Variants in EXOC6B observed in about 807,000 individuals in gnomAD.
The protein encoded by EXOC6B is exocyst complex component 6B, also known as SEC15 homolog B.
In EXOC6B, 54 loss-of-function variants were observed where a neutral mutation model predicts 113.5. The ratio of observed to expected loss-of-function variants is 0.48; its 90% CI spans 0.38 to 0.60. The LOEUF (loss-of-function observed/expected upper bound fraction) is 0.60. Among genes scored for constraint, EXOC6B ranks in the 20% least tolerant of loss-of-function variants. EXOC6B has a pLI of 0.00. For synonymous variants in EXOC6B, 357 were observed against 339.0 expected (o/e 1.05, Z -0.58); for missense variants, 797 against 977.5 (o/e 0.82, Z 2.46).
intron 19 of EXOC6B, among the ~76,000 whole-genome samples, chr2:72,357,816 T>C (rs1294574354): frequency 6.6e-6 from 1 of 152,204 alleles, no homozygotes; most frequent in Non-Finnish European, 1.5e-5. Flanking sequence ...CCACTGACTG[T>C]GTTACAACTG....
At chr2:72,572,256 G>A (rs1704558103) in intron 7 of EXOC6B, among the ~76,000 whole-genome samples, 1 of 152,030 alleles carries the variant, frequency 6.6e-6, no homozygotes, top group Admixed American at 6.6e-5. Flanking sequence ...CAGGGACCAG[G>A]AGCTCCATCC....
intron 18 of EXOC6B, chr2:72,461,861 T>C (rs1697702049): frequency 6.6e-6 from 1 of 152,078 alleles, no homozygotes; most frequent in South Asian, 2.1e-4. Context: ...AGTGTTACCA[T>C]TTTCTTATTT....
At chr2:72,696,559 A>G (rs1031725024) in intron 6 of EXOC6B, among the ~76,000 whole-genome samples, 4 of 152,224 alleles carry the variant, frequency 2.6e-5, no homozygotes, top group African/African-American at 9.7e-5. Context: ...AATACAATGT[A>G]GTGGACATTG....
chr2:72,201,539 T>C (rs941892577), intron 20 of EXOC6B, among the ~76,000 whole-genome samples: 2 of 152,184 alleles, frequency 1.3e-5, no homozygotes, highest in Non-Finnish European at 2.9e-5. Flanking sequence ...GGAAGGACTC[T>C]TAATGAGATA....
At chr2:72,703,893 T>C (rs926300717) in intron 6 of EXOC6B, among the ~76,000 whole-genome samples, 1 of 150,930 alleles carries the variant, frequency 6.6e-6, no homozygotes, top group Non-Finnish European at 1.5e-5. Context: ...ACTCCCTCTT[T>C]TCCTAATTGA....
At chr2:72,678,088 C>A (rs1436658183) in intron 6 of EXOC6B, among the ~76,000 whole-genome samples, 2 of 152,206 alleles carry the variant, frequency 1.3e-5, no homozygotes, top group Non-Finnish European at 2.9e-5. Context: ...CTCACCAGGA[C>A]CCTGACAGCC....
At chr2:72,806,176 C>T (rs949268008) in intron 1 of EXOC6B, among the ~76,000 whole-genome samples, 2 of 152,286 alleles carry the variant, frequency 1.3e-5, no homozygotes, top group African/African-American at 4.8e-5. Context: ...CCACACTCCA[C>T]TCCTTCTCTC....
intron 6 of EXOC6B, among the ~76,000 whole-genome samples, chr2:72,690,269 G>A (rs1448793342): frequency 1.3e-5 from 2 of 152,142 alleles, no homozygotes; most frequent in African/African-American, 4.8e-5. Flanking sequence ...TCATAAAAAT[G>A]ACTTTGGCCT....
intron 19 of EXOC6B, among the ~76,000 whole-genome samples, chr2:72,357,865 T>G (rs1690064041): frequency 6.6e-6 from 1 of 152,160 alleles, no homozygotes; most frequent in South Asian, 2.1e-4. Context: ...CTGTACAGGT[T>G]TGTAGCCTGG....
chr2:72,310,884 C>CACACACAT (rs147993032), intron 20 of EXOC6B, among the ~76,000 whole-genome samples: 1,732 of 149,432 alleles, frequency 0.012, 22 homozygotes, highest in African/African-American at 0.014. Context: ...CACACACACA[C>CACACACAT]ACACAGAGCT....
At chr2:72,498,586 A>T in intron 12 of EXOC6B, 35 bp from the exon 13 acceptor site, 1 of 1,440,584 alleles carries the variant, frequency 6.9e-7, no homozygotes, top group East Asian at 2.3e-5. Context: ...TCAGTGTCTA[A>T]GGAAGGAGTT....
At position 72,450,067 on chromosome 2, in the gene EXOC6B, C is replaced by A. The variant is rs1187310822; in HGVS notation, c.1980+15093G>T. On this transcript the variant is annotated intron_variant, in intron 18 of 21. Coordinates refer to ENST00000272427, the MANE Select transcript of EXOC6B (RefSeq NM_015189.3). ...GGGTCAGGAACAACATTTATGGCCA[C>A]CAGGTGTACATTCTTTTCTATCTAT... is the stretch of plus-strand genomic sequence containing the variant. Among the ~76,000 whole-genome samples, 6 of 152,086 alleles carry A rather than the reference C, an allele frequency of 3.9e-5. No homozygotes were observed. The East Asian group carries it at 1.2e-3, about 29-fold the overall frequency.
At chr2:72,257,553 T>C (rs1263937787) in intron 20 of EXOC6B, among the ~76,000 whole-genome samples, 1 of 152,222 alleles carries the variant, frequency 6.6e-6, no homozygotes, top group Non-Finnish European at 1.5e-5. Context: ...TTCTAATGTT[T>C]ACCGCTAGCT....
chr2:72,682,136 C>T (rs1259786462), intron 6 of EXOC6B, among the ~76,000 whole-genome samples: 3 of 151,934 alleles, frequency 2.0e-5, no homozygotes, highest in Non-Finnish European at 4.4e-5. Flanking sequence ...ATAAGGTGGG[C>T]AAAACACATG....
At chr2:72,568,486 C>A (rs369337946) in intron 7 of EXOC6B, among the ~76,000 whole-genome samples, 1 of 152,000 alleles carries the variant, frequency 6.6e-6, no homozygotes, top group Admixed American at 6.6e-5. Flanking sequence ...ATGATGCATG[C>A]CACTTTCTTC....
chr2:72,456,377 G>C (rs766737051), intron 18 of EXOC6B, among the ~76,000 whole-genome samples: 10 of 152,018 alleles, frequency 6.6e-5, no homozygotes, highest in Non-Finnish European at 1.0e-4. Flanking sequence ...TCAATGCCCA[G>C]GCAGGAATTC....
At chr2:72,604,323 A>G (rs537013293) in intron 6 of EXOC6B, among the ~76,000 whole-genome samples, 83 of 152,338 alleles carry the variant, frequency 5.4e-4, no homozygotes, top group Non-Finnish European at 9.7e-4. Flanking sequence ...CAGATTCGTC[A>G]AAGATAACTT....
chr2:72,450,500 C>T (rs1235492369), intron 18 of EXOC6B, among the ~76,000 whole-genome samples: 1 of 152,072 alleles, frequency 6.6e-6, no homozygotes, highest in Admixed American at 6.5e-5. Context: ...TACTTGTTAA[C>T]TAATATCAAA....
chr2:72,590,786 C>A (rs779018601), intron 6 of EXOC6B, among the ~76,000 whole-genome samples: 2 of 152,078 alleles, frequency 1.3e-5, no homozygotes, highest in East Asian at 3.9e-4. Flanking sequence ...ACTACCTATT[C>A]CTTTAAGAAG....
Sources: gnomAD v4.1 joint callset for allele counts (sites outside exome capture counted in the v4.1 genomes callset) on GRCh38, gnomAD v4.1.1 for gene constraint, MANE v1.5 for transcripts, NCBI Gene and HGNC (gene_info 2026-07-23, HGNC 2026-07-21) for gene names.